SPAG16: variants seen among roughly 807,000 people sequenced by gnomAD.
SPAG16 encodes the protein sperm associated antigen 16.
A neutral mutation model predicts 80.4 loss-of-function variants in SPAG16; 86 were observed. That is an observed-to-expected ratio of 1.07 (90% CI 0.90 to 1.28). The LOEUF is 1.28. SPAG16 is among the 50% of genes most tolerant of loss of function. The pLI is 0.00. For missense variants in SPAG16, 870 were observed against 765.3 expected (o/e 1.14, Z -1.61); for synonymous variants, 294 against 265.9 (o/e 1.11, Z -1.03).
chr2:213,880,969 A>G (rs561538845), intron 11 of SPAG16, among the ~76,000 whole-genome samples: 154 of 152,178 alleles, frequency 1.0e-3, no homozygotes, highest in Non-Finnish European at 1.2e-3. Flanking sequence ...TTGGTTCCGC[A>G]TGAATTTTTG....
chr2:213,921,602 G>C (rs987755102), intron 11 of SPAG16, among the ~76,000 whole-genome samples: 1 of 152,176 alleles, frequency 6.6e-6, no homozygotes, highest in Non-Finnish European at 1.5e-5. Flanking sequence ...ATGCAGACTT[G>C]TCTGTGTGGT....
chr2:213,701,104 G>A (rs1436058479), intron 10 of SPAG16, among the ~76,000 whole-genome samples: 1 of 152,182 alleles, frequency 6.6e-6, no homozygotes, highest in East Asian at 1.9e-4. Flanking sequence ...GCTAGGCATG[G>A]TGGCACCTGC....
At chr2:213,711,175 T>C (rs2065969283) in intron 10 of SPAG16, among the ~76,000 whole-genome samples, 1 of 152,146 alleles carries the variant, frequency 6.6e-6, no homozygotes, top group South Asian at 2.1e-4. Flanking sequence ...ATCCAACTTA[T>C]TGCCTCAGTC....
At chr2:214,147,440 C>G (rs1039347055) in intron 14 of SPAG16, among the ~76,000 whole-genome samples, 1 of 152,136 alleles carries the variant, frequency 6.6e-6, no homozygotes, top group East Asian at 1.9e-4. Context: ...AGTCCATCCA[C>G]CTGCCTGTGG....
intron 9 of SPAG16, among the ~76,000 whole-genome samples, chr2:213,441,940 A>G (rs776068366): frequency 6.6e-6 from 1 of 152,208 alleles, no homozygotes; most frequent in Non-Finnish European, 1.5e-5. Context: ...TCAAGTCAAG[A>G]GCTCAAGACC....
chr2:214,273,055 T>A (rs1051476799), intron 15 of SPAG16, among the ~76,000 whole-genome samples: 1 of 152,240 alleles, frequency 6.6e-6, no homozygotes, highest in Non-Finnish European at 1.5e-5. Context: ...ATGATGAGCA[T>A]TTTTTCATGT....
At chr2:214,334,584 G>A (rs1022072966) in intron 15 of SPAG16, among the ~76,000 whole-genome samples, 2 of 152,156 alleles carry the variant, frequency 1.3e-5, no homozygotes, top group African/African-American at 4.8e-5. Flanking sequence ...AATATCATAG[G>A]TTGTCAAGGA....
At chr2:214,328,621 C>G (rs10490504) in intron 15 of SPAG16, among the ~76,000 whole-genome samples, 122,040 of 152,174 alleles carry the variant, frequency 0.8, 49,129 homozygotes, top group African/African-American at 0.85. Context: ...ATTTAAATCT[C>G]GTATCTCAAA....
At chr2:214,065,470 G>A (rs2050488825) in intron 13 of SPAG16, among the ~76,000 whole-genome samples, 1 of 151,948 alleles carries the variant, frequency 6.6e-6, no homozygotes, top group African/African-American at 2.4e-5. Flanking sequence ...TACAGTGAAG[G>A]GAAAAATACC....
chr2:214,059,552 G>T (rs978701416), intron 13 of SPAG16, among the ~76,000 whole-genome samples: 4 of 151,624 alleles, frequency 2.6e-5, no homozygotes, highest in Non-Finnish European at 4.4e-5. Flanking sequence ...TTAAATTCCA[G>T]TGTTTTATTT....
At chr2:213,737,902 C>T (rs2067366884) in intron 10 of SPAG16, among the ~76,000 whole-genome samples, 1 of 152,082 alleles carries the variant, frequency 6.6e-6, no homozygotes, top group Admixed American at 6.5e-5. Flanking sequence ...GTCTCTTTTT[C>T]TGTCTATAGT....
chr2:214,203,869 A>C (rs2058075730), intron 15 of SPAG16, among the ~76,000 whole-genome samples: 1 of 152,190 alleles, frequency 6.6e-6, no homozygotes, highest in African/African-American at 2.4e-5. Context: ...AAGCTGTGGC[A>C]GGTGGGGAAG....
chr2:213,934,768 C>T (rs1187282470), intron 12 of SPAG16, among the ~76,000 whole-genome samples: 1 of 152,124 alleles, frequency 6.6e-6, no homozygotes, highest in Non-Finnish European at 1.5e-5. Context: ...GAATGGAATA[C>T]CAGTGACAAT....
intron 13 of SPAG16, among the ~76,000 whole-genome samples, chr2:214,038,702 C>G (rs1167374721): frequency 5.5e-5 from 8 of 146,376 alleles, no homozygotes. Context: ...CTCCCCCTAC[C>G]CCACAACAAG....
chr2:213,450,375 T>A, intron 9 of SPAG16, among the ~76,000 whole-genome samples: 1 of 152,230 alleles, frequency 6.6e-6, no homozygotes, highest in East Asian at 1.9e-4. Context: ...TACTCAATTC[T>A]AGTTGTAATC....
chr2:213,388,191 A>G (rs753485886), intron 9 of SPAG16, among the ~76,000 whole-genome samples: 1 of 152,228 alleles, frequency 6.6e-6, no homozygotes, highest in Non-Finnish European at 1.5e-5. Flanking sequence ...CTGGGTGGGC[A>G]AAAAGCATCC....
intron 15 of SPAG16, among the ~76,000 whole-genome samples, chr2:214,370,263 A>C (rs1393830004): frequency 6.6e-6 from 1 of 152,034 alleles, no homozygotes; most frequent in African/African-American, 2.4e-5. Context: ...CATTTTTTTC[A>C]GTAGAGTTGT....
intron 11 of SPAG16, among the ~76,000 whole-genome samples, chr2:213,926,188 C>G (rs2078469402): frequency 6.6e-6 from 1 of 152,000 alleles, no homozygotes; most frequent in Non-Finnish European, 1.5e-5. Context: ...TGTTCAGTTC[C>G]TCATCTGTCT....
chr2:214,218,265 G>A (rs563803146), intron 15 of SPAG16, among the ~76,000 whole-genome samples: 2 of 152,082 alleles, frequency 1.3e-5, no homozygotes, highest in South Asian at 4.1e-4. Flanking sequence ...GAAAAGGGAC[G>A]GCCTCGAGGT....
Sources: gnomAD v4.1 joint callset for allele counts (sites outside exome capture counted in the v4.1 genomes callset) on GRCh38, gnomAD v4.1.1 for gene constraint, MANE v1.5 for transcripts, NCBI Gene and HGNC (gene_info 2026-07-23, HGNC 2026-07-21) for gene names.